Variants in CYRIA observed in about 807,000 individuals in gnomAD.
CYRIA encodes CYFIP related Rac1 interactor A.
In CYRIA, 15 loss-of-function variants were observed where a neutral mutation model predicts 43.9. The ratio of observed to expected loss-of-function variants is 0.34; its 90% CI spans 0.23 to 0.53. The LOEUF (loss-of-function observed/expected upper bound fraction) is 0.53. Ranked by LOEUF, CYRIA falls within the 20% of genes least tolerant of loss-of-function variation. CYRIA has a pLI of 0.94. For synonymous variants in CYRIA, 117 were observed against 136.0 expected (o/e 0.86, Z 0.97); for missense variants, 236 against 394.2 (o/e 0.60, Z 3.40).
intron 2 of CYRIA, among the ~76,000 whole-genome samples, chr2:16,620,414 T>C (rs1668954561): frequency 6.6e-6 from 1 of 152,228 alleles, no homozygotes; most frequent in South Asian, 2.1e-4. Flanking sequence ...CACTGCAGCA[T>C]CAATGGTGGG....
chr2:16,560,921 ACAT>A (rs932190689), intron 9 of CYRIA, 66 bp downstream of exon 9: 52 of 1,353,338 alleles, frequency 3.8e-5, no homozygotes, highest in Non-Finnish European at 5.1e-5. Context: ...CATATCATTA[ACAT>A]CATCATCTTA....
intron 2 of CYRIA, among the ~76,000 whole-genome samples, chr2:16,598,963 AGCTGCAG>A: frequency 1.4e-5 from 1 of 73,282 alleles, no homozygotes. Context: ...CAGGACCCTC[AGCTGCAG>A]GTCTGTTGGA....
At chr2:16,575,787 C>A (rs528470538) in intron 3 of CYRIA, among the ~76,000 whole-genome samples, 1 of 151,776 alleles carries the variant, frequency 6.6e-6, no homozygotes, top group Admixed American at 6.6e-5. Flanking sequence ...ACCCAGGAGG[C>A]GGAGCTTGCA....
At chr2:16,648,768 G>T (rs1294987420) in intron 1 of CYRIA, among the ~76,000 whole-genome samples, 2 of 152,156 alleles carry the variant, frequency 1.3e-5, no homozygotes, top group Non-Finnish European at 2.9e-5. Flanking sequence ...ATCAAGAAGA[G>T]GGTCTAGGCC....
intron 1 of CYRIA, among the ~76,000 whole-genome samples, chr2:16,635,316 C>T (rs971944): frequency 0.55 from 84,026 of 152,048 alleles, 27,204 homozygotes; most frequent in East Asian, 0.95. Context: ...CAGTAGCCCA[C>T]TGAAATACCT....
chr2:16,660,797 T>G (rs1670232005), intron 1 of CYRIA, among the ~76,000 whole-genome samples: 1 of 152,168 alleles, frequency 6.6e-6, no homozygotes, highest in Non-Finnish European at 1.5e-5. Context: ...ACTCAGGCCC[T>G]GAGATAATTG....
chr2:16,569,726 T>C (rs1667063564), intron 3 of CYRIA, among the ~76,000 whole-genome samples: 1 of 152,176 alleles, frequency 6.6e-6, no homozygotes, highest in Non-Finnish European at 1.5e-5. Context: ...TTGGCCTAAA[T>C]CCCTATGGAA....
intron 2 of CYRIA, among the ~76,000 whole-genome samples, chr2:16,621,886 T>A (rs1230550499): frequency 6.6e-6 from 1 of 152,208 alleles, no homozygotes; most frequent in Non-Finnish European, 1.5e-5. Flanking sequence ...TTGCTACTTG[T>A]TGATGATCCC....
rs539525497 is a variant in CYRIA at position 16,614,951 on chromosome 2, T to C, written c.-11+8913A>G. 2.0e-5 allele frequency among the ~76,000 whole-genome samples: 3 copies of C among 152,334 alleles called. No individual in the cohort carries two copies. The East Asian group carries it at 5.8e-4, about 29-fold the overall frequency. The stretch of plus-strand genomic sequence containing the variant: ...AAGATTCTGGAACTCATGAAGACCA[T>C]TCCCTTCTGTGTGACTCCATTAGAT... On this transcript the variant is annotated intron_variant, in intron 2 of 11. Coordinates refer to ENST00000381323, the MANE Select transcript of CYRIA (RefSeq NM_030797.4).
intron 6 of CYRIA, 72 bp from the exon 7 acceptor site, chr2:16,561,605 A>G: frequency 8.6e-7 from 1 of 1,158,682 alleles, no homozygotes; most frequent in Non-Finnish European, 1.3e-6. Flanking sequence ...GGAGGAGCCC[A>G]GACACTAGAT....
At chr2:16,621,804 G>A (rs1311844639) in intron 2 of CYRIA, among the ~76,000 whole-genome samples, 2 of 152,108 alleles carry the variant, frequency 1.3e-5, no homozygotes, top group Admixed American at 6.5e-5. Context: ...CTAGCTCTCT[G>A]ACTTAGCTTT....
At chr2:16,587,098 A>G (rs1667754986) in intron 3 of CYRIA, among the ~76,000 whole-genome samples, 1 of 152,118 alleles carries the variant, frequency 6.6e-6, no homozygotes, top group Admixed American at 6.6e-5. Context: ...GAGAAACATA[A>G]CCTTTTGGGT....
chr2:16,663,869 C>T (rs1670325053), intron 1 of CYRIA, among the ~76,000 whole-genome samples: 1 of 152,032 alleles, frequency 6.6e-6, no homozygotes, highest in Non-Finnish European at 1.5e-5. Flanking sequence ...TAAGGAAGTC[C>T]CTGTGATCCC....
At chr2:16,649,892 G>A (rs1291772799) in intron 1 of CYRIA, among the ~76,000 whole-genome samples, 1 of 152,180 alleles carries the variant, frequency 6.6e-6, no homozygotes, top group African/African-American at 2.4e-5. Context: ...ATTGGTATAG[G>A]ACTTGGACAT....
At chr2:16,605,757 G>A (rs746542286) in intron 2 of CYRIA, among the ~76,000 whole-genome samples, 53 of 152,104 alleles carry the variant, frequency 3.5e-4, no homozygotes, top group Non-Finnish European at 5.4e-4. Context: ...TCAGTTTTTT[G>A]GATTACAAAC....
chr2:16,618,197 G>T (rs768451817), intron 2 of CYRIA, among the ~76,000 whole-genome samples: 1 of 152,316 alleles, frequency 6.6e-6, no homozygotes, highest in South Asian at 2.1e-4. Context: ...GCTCGAAACT[G>T]CCTCAGTGCA....
chr2:16,634,462 G>A (rs1038607834), intron 1 of CYRIA, among the ~76,000 whole-genome samples: 4 of 152,202 alleles, frequency 2.6e-5, no homozygotes, highest in Non-Finnish European at 1.5e-5. Flanking sequence ...CCCCTTCTGG[G>A]GAACTTCATT....
chr2:16,581,303 T>A (rs1667540699), intron 3 of CYRIA, among the ~76,000 whole-genome samples: 1 of 152,172 alleles, frequency 6.6e-6, no homozygotes, highest in Non-Finnish European at 1.5e-5. Context: ...ACAAGATATT[T>A]TCTTAAATAG....
chr2:16,638,024 G>C (rs1034831655), intron 1 of CYRIA, among the ~76,000 whole-genome samples: 7 of 152,134 alleles, frequency 4.6e-5, no homozygotes, highest in African/African-American at 1.7e-4. Context: ...CCTGGGTAAC[G>C]GGGGGTGATG....
Sources: allele counts gnomAD v4.1 joint callset (sites outside exome capture counted in the v4.1 genomes callset), GRCh38; gene constraint gnomAD v4.1.1; transcripts MANE v1.5; gene names NCBI Gene and HGNC (gene_info 2026-07-23, HGNC 2026-07-21).